The following PHACTR3 variants were observed in gnomAD, a reference collection of about 807,000 sequenced individuals.
PHACTR3 encodes the protein phosphatase and actin regulator 3.
Under a neutral mutation model 66.8 loss-of-function variants are expected in PHACTR3, and 16 were observed. The observed-to-expected ratio is 0.24, with a 90% CI of 0.16 to 0.36. The LOEUF (loss-of-function observed/expected upper bound fraction) is 0.36. Among genes scored for constraint, PHACTR3 ranks in the 10% least tolerant of loss-of-function variants. The pLI is 1.00. For missense variants in PHACTR3, 647 were observed against 719.9 expected, an observed-to-expected ratio of 0.90 and a Z score of 1.16; for synonymous variants, 323 against 292.1, an observed-to-expected ratio of 1.11 and a Z score of -1.08.
chr20:59,691,211 C>T (rs1449327444), intron 1 of PHACTR3, among the ~76,000 whole-genome samples: 5 of 152,192 alleles, frequency 3.3e-5, no homozygotes, highest in African/African-American at 7.2e-5. Context: ...GGTGTCCTGG[C>T]GGAGACCTTG....
chr20:59,648,463 A>G (rs148212930), intron 1 of PHACTR3, among the ~76,000 whole-genome samples: 4 of 152,320 alleles, frequency 2.6e-5, no homozygotes, highest in African/African-American at 7.2e-5. Context: ...GGTGATGGCA[A>G]TTGGGTAGGA....
chr20:59,822,059 C>T (rs1273575862), intron 8 of PHACTR3, among the ~76,000 whole-genome samples: 1 of 98,362 alleles, frequency 1.0e-5, no homozygotes, highest in Non-Finnish European at 1.9e-5. Flanking sequence ...CCTTCCCCAG[C>T]GATCCGCCCC....
rs2039045476 is a variant in PHACTR3 at position 59,738,849 on chromosome 20, C to T, written c.119-4258C>T. ...TCCTCTGCTCATCCCTGGAGATCTTCGTCTTCATCTTCAGCTGAGCTTGGA... is the reference window on the plus strand; with the variant it reads ...TCCTCTGCTCATCCCTGGAGATCTTTGTCTTCATCTTCAGCTGAGCTTGGA... On this transcript the variant is annotated intron_variant, in intron 1 of 12. Coordinates refer to ENST00000371015, the MANE Select transcript of PHACTR3 (RefSeq NM_080672.5). The surrounding 1 kb of genome is among the most constrained non-coding windows in gnomAD (Gnocchi z 4.4). Among the ~76,000 whole-genome samples, 1 of 152,136 alleles carries T rather than the reference C, an allele frequency of 6.6e-6. No homozygotes were observed. Among genetic ancestry groups the T allele is most frequent in the Non-Finnish European group, 1.5e-5 (1 of 68,022 alleles).
At chr20:59,725,164 G>C (rs1159871075) in intron 1 of PHACTR3, among the ~76,000 whole-genome samples, 9 of 151,950 alleles carry the variant, frequency 5.9e-5, no homozygotes, top group African/African-American at 1.5e-4. Flanking sequence ...GGTGTGCTGC[G>C]TGCTCAGTAA....
At chr20:59,714,504 G>A (rs1447631041) in intron 1 of PHACTR3, among the ~76,000 whole-genome samples, 3 of 152,138 alleles carry the variant, frequency 2.0e-5, no homozygotes, top group Non-Finnish European at 4.4e-5. Context: ...ACACTGCGTG[G>A]GTCTATTTCT....
intron 7 of PHACTR3, among the ~76,000 whole-genome samples, chr20:59,795,198 G>A (rs897218428): frequency 2.0e-5 from 3 of 151,926 alleles, no homozygotes; most frequent in Admixed American, 6.6e-5. Context: ...ACTTTTGTTT[G>A]TCTAAAGATA....
chr20:59,801,185 T>C (rs922692221), intron 7 of PHACTR3, among the ~76,000 whole-genome samples: 2 of 152,184 alleles, frequency 1.3e-5, no homozygotes, highest in African/African-American at 4.8e-5. Context: ...CTCAGGTTCA[T>C]ATTCTCAACT....
At chr20:59,804,191 C>T (rs1386484778) in intron 7 of PHACTR3, among the ~76,000 whole-genome samples, 1 of 152,270 alleles carries the variant, frequency 6.6e-6, no homozygotes, top group Non-Finnish European at 1.5e-5. Context: ...TACTGTGTAT[C>T]CTTGCTGTGT....
In PHACTR3 at chr20:59,803,578, CA is replaced by C. The variant is rs2041479868; in HGVS notation, c.1175-2462del. On this transcript the variant is annotated intron_variant, in intron 7 of 12. Transcript: ENST00000371015. ...CATATATATTTTGGCATATAATATG[CA>C]TACTTTCTGTCATTTGCTTTCCTTA... Among the ~76,000 whole-genome samples, 5 of 152,242 alleles carry C rather than the reference CA, an allele frequency of 3.3e-5. No homozygotes were observed. The South Asian group carries it at 1.0e-3, about 32-fold the overall frequency.
At chr20:59,762,393 C>A (rs949595379) in intron 4 of PHACTR3, among the ~76,000 whole-genome samples, 4 of 152,368 alleles carry the variant, frequency 2.6e-5, no homozygotes, top group Non-Finnish European at 2.9e-5. Context: ...CTGTCCAGTG[C>A]AGTAGCCACT....
intron 8 of PHACTR3, among the ~76,000 whole-genome samples, chr20:59,819,351 A>C (rs1401301679): frequency 6.6e-6 from 1 of 151,918 alleles, no homozygotes; most frequent in Admixed American, 6.6e-5. Flanking sequence ...ACACAGCCAG[A>C]CTCCATCTCT....
intron 1 of PHACTR3, among the ~76,000 whole-genome samples, chr20:59,692,901 G>C (rs1362827731): frequency 6.6e-6 from 1 of 152,154 alleles, no homozygotes; most frequent in Non-Finnish European, 1.5e-5. Flanking sequence ...TCTGGCACTG[G>C]GTAAGTACTC....
At chr20:59,766,716 G>T (rs1428192191) in intron 4 of PHACTR3, among the ~76,000 whole-genome samples, 1 of 152,234 alleles carries the variant, frequency 6.6e-6, no homozygotes, top group Non-Finnish European at 1.5e-5. Flanking sequence ...GGACTGGAGG[G>T]TTACACTGTG....
At chr20:59,648,017 G>A (rs985291515) in intron 1 of PHACTR3, among the ~76,000 whole-genome samples, 2 of 152,200 alleles carry the variant, frequency 1.3e-5, no homozygotes, top group African/African-American at 4.8e-5. Context: ...CCTCCAGGAG[G>A]TTCCTCATCT....
At chr20:59,806,433 C>T (rs768938895) in intron 8 of PHACTR3, among the ~76,000 whole-genome samples, 4 of 152,232 alleles carry the variant, frequency 2.6e-5, no homozygotes, top group Non-Finnish European at 5.9e-5. Flanking sequence ...CTACACCTCC[C>T]GTGACAATCA....
At chr20:59,599,509 C>A (rs1176840416) in intron 1 of PHACTR3, among the ~76,000 whole-genome samples, 1 of 151,788 alleles carries the variant, frequency 6.6e-6, no homozygotes, top group Admixed American at 6.5e-5. Context: ...TGATGGGCAG[C>A]AGACTCTTCC....
At chr20:59,737,773 C>T (rs968769113) in intron 1 of PHACTR3, among the ~76,000 whole-genome samples, 2 of 152,104 alleles carry the variant, frequency 1.3e-5, no homozygotes, top group Admixed American at 1.3e-4. Context: ...CTCTGCACAC[C>T]CTGTGCCTAT....
At chr20:59,581,476 C>T (rs1358990633) in intron 1 of PHACTR3, among the ~76,000 whole-genome samples, 7 of 152,220 alleles carry the variant, frequency 4.6e-5, no homozygotes, top group Non-Finnish European at 7.3e-5. Flanking sequence ...CAAATCCCCA[C>T]GCAGCTGTCA....
rs891147644 is a variant in PHACTR3, at chr20:59,696,247, C to T, written c.119-46860C>T. 1.8e-4 allele frequency among the ~76,000 whole-genome samples: 28 copies of T among 152,144 alleles called. 1 individual carries two copies. The highest frequency in any genetic ancestry group is 1.1e-3 in the Admixed American group (17 of 15,282). On this transcript the variant is annotated intron_variant, in intron 1 of 12. Transcript: ENST00000371015. ...AGAGAGCACTTAGGGATTCCCAAAG[C>T]GTCCAGAACAACAGTAGATGGTTAT...
Sources: allele counts gnomAD v4.1 joint callset (sites outside exome capture counted in the v4.1 genomes callset), GRCh38; gene constraint gnomAD v4.1.1; non-coding constraint Gnocchi (gnomAD v3.1); transcripts MANE v1.5; gene names NCBI Gene and HGNC (gene_info 2026-07-23, HGNC 2026-07-21).